Variants in PPP2R5E observed in about 807,000 individuals in gnomAD.
PPP2R5E encodes protein phosphatase 2 regulatory subunit B'epsilon.
Under a neutral mutation model 65.3 loss-of-function variants are expected in PPP2R5E, and 4 were observed. That is an observed-to-expected ratio of 0.06 (90% CI 0.03 to 0.14). The LOEUF is 0.14. PPP2R5E is among the 10% of genes least tolerant of loss of function. The pLI, the probability that PPP2R5E is intolerant of heterozygous loss-of-function variation, is 1.00. For synonymous variants in PPP2R5E, 183 were observed against 187.4 expected (o/e 0.98, Z 0.19); for missense variants, 274 against 556.1 (o/e 0.49, Z 5.10).
At chr14:63,496,994 C>T (rs1441691632) in intron 2 of PPP2R5E, among the ~76,000 whole-genome samples, 1 of 152,056 alleles carries the variant, frequency 6.6e-6, no homozygotes, top group African/African-American at 2.4e-5. Context: ...TAGCTATGGC[C>T]TTTAAACCAC....
chr14:63,408,478 G>A (rs944855500), intron 5 of PPP2R5E, among the ~76,000 whole-genome samples: 20 of 152,136 alleles, frequency 1.3e-4, no homozygotes, highest in African/African-American at 2.9e-4. Flanking sequence ...CACCTAAGGC[G>A]CTATTATGTT....
At chr14:63,392,096 A>C in intron 8 of PPP2R5E, 71 bp from the exon 9 acceptor site, 1 of 1,181,926 alleles carries the variant, frequency 8.5e-7, no homozygotes, top group Non-Finnish European at 1.2e-6. Flanking sequence ...ATACACTATT[A>C]AAACTTCCTA....
chr14:63,507,539 ACAAG>A lies in PPP2R5E; in HGVS notation c.157+31986_157+31989del, dbSNP rs1246376811. On this transcript the variant is annotated intron_variant, in intron 2 of 13. Transcript: ENST00000337537. ...TGAATTTTTAAAGTAAAAAAAAAAA[ACAAG>A]ACTTAAAAATAACTGCAGCAAGGGT... Among the ~76,000 whole-genome samples the A allele has an allele frequency of 2.0e-5, 3 of 150,184 alleles. No individual in the cohort carries two copies. The East Asian group carries it at 5.8e-4, about 29-fold the overall frequency.
intron 11 of PPP2R5E, 136 bp downstream of exon 11, chr14:63,389,476 C>T: frequency 3.8e-6 from 4 of 1,041,312 alleles, no homozygotes; most frequent in Non-Finnish European, 5.3e-6. Context: ...AAGCTGGCCA[C>T]TATTAAAATT....
Position 63,374,325 on chromosome 14 carries a change from T to C in PPP2R5E, c.*1684A>G, listed in dbSNP as rs1883858410. The C allele has an allele frequency of 1.3e-5, 2 of 151,922 alleles. No homozygotes were observed. The highest frequency in any genetic ancestry group is 2.9e-5 in the Non-Finnish European group (2 of 67,956). The allele number at this position is 151,922 out of a possible 1,614,324, so 9.4% of individuals were successfully genotyped here. On this transcript the variant is annotated 3_prime_UTR_variant, in exon 14 of 14. Transcript: ENST00000337537. The stretch of plus-strand genomic sequence containing the variant: ...GAAAATATACAAGCCCATATTTATA[T>C]TGTATTTCTATTAAGAGCAACAATA...
At chr14:63,490,252 A>G (rs1468442676) in intron 2 of PPP2R5E, among the ~76,000 whole-genome samples, 1 of 152,086 alleles carries the variant, frequency 6.6e-6, no homozygotes, top group East Asian at 1.9e-4. Context: ...CTCGACCCCT[A>G]CACCTTTCAC....
At position 63,539,100 on chromosome 14, in the gene PPP2R5E, C is replaced by T. The variant is rs1164578424; in HGVS notation, c.157+429G>A. On this transcript the variant is annotated intron_variant, in intron 2 of 13. Coordinates refer to ENST00000337537, the MANE Select transcript of PPP2R5E (RefSeq NM_006246.5). ...CCATTTTTTTCTTGATTTTTAAAAA[C>T]GAATTCTTCCAAATACCATTTTCTA... is the stretch of plus-strand genomic sequence containing the variant. Among the ~76,000 whole-genome samples the T allele has an allele frequency of 3.3e-5, 5 of 152,018 alleles. No homozygotes were observed. In the South Asian group the frequency reaches 8.3e-4, roughly 25 times the overall value.
chr14:63,373,462 C>A lies in PPP2R5E; in HGVS notation c.*2547G>T, dbSNP rs963790764. The stretch of plus-strand genomic sequence containing the variant: ...AGATTACCTCAGTTACTCTGCGTCA[C>A]CGCACACAACATGACTAATGTCACA... On this transcript the variant is annotated 3_prime_UTR_variant, in exon 14 of 14. Coordinates refer to ENST00000337537, the MANE Select transcript of PPP2R5E (RefSeq NM_006246.5). The A allele has an allele frequency of 1.4e-4, 21 of 152,116 alleles. No homozygotes were observed. The highest frequency in any genetic ancestry group is 5.1e-4 in the African/African-American group (21 of 41,430). 9.4% of individuals were successfully genotyped at this position (152,116 alleles called of 1,614,324 possible).
intron 10 of PPP2R5E, 33 bp from the exon 11 acceptor site, chr14:63,389,764 C>A (rs1311091721): frequency 2.0e-6 from 3 of 1,522,734 alleles, no homozygotes; most frequent in South Asian, 1.3e-5. Context: ...AGATGTGAGG[C>A]ACATCATGAA....
intron 2 of PPP2R5E, among the ~76,000 whole-genome samples, chr14:63,526,933 G>A (rs1362226946): frequency 6.6e-6 from 1 of 152,206 alleles, no homozygotes. Context: ...ACTCTGGGAG[G>A]CCAAGGCGGG....
At chr14:63,447,448 C>A (rs1207894463) in intron 3 of PPP2R5E, among the ~76,000 whole-genome samples, 2 of 152,348 alleles carry the variant, frequency 1.3e-5, no homozygotes, top group East Asian at 1.9e-4. Context: ...TCCAACTTTT[C>A]TTCTGCAGCT....
chr14:63,522,385 G>T (rs1892957070), intron 2 of PPP2R5E, among the ~76,000 whole-genome samples: 1 of 151,518 alleles, frequency 6.6e-6, no homozygotes, highest in Non-Finnish European at 1.5e-5. Context: ...GAAGTGAGGA[G>T]CGTCTCTGCC....
intron 3 of PPP2R5E, among the ~76,000 whole-genome samples, chr14:63,440,376 G>A (rs1168451034): frequency 6.6e-6 from 1 of 151,198 alleles, no homozygotes; most frequent in African/African-American, 2.4e-5. Flanking sequence ...GGCAGCAGAA[G>A]TGGTAGGAGA....
chr14:63,428,876 A>C (rs943595028), intron 3 of PPP2R5E, among the ~76,000 whole-genome samples: 1 of 152,220 alleles, frequency 6.6e-6, no homozygotes, highest in Non-Finnish European at 1.5e-5. Context: ...ATCCATTTCC[A>C]TAGAAATTAC....
At chr14:63,431,138 C>T (rs1010262639) in intron 3 of PPP2R5E, among the ~76,000 whole-genome samples, 1 of 152,072 alleles carries the variant, frequency 6.6e-6, no homozygotes, top group African/African-American at 2.4e-5. Context: ...CATAGGGGCG[C>T]ATGCCTGTAG....
At chr14:63,398,913 T>C (rs567705988) in intron 5 of PPP2R5E, among the ~76,000 whole-genome samples, 1 of 152,306 alleles carries the variant, frequency 6.6e-6, no homozygotes, top group South Asian at 2.1e-4. Flanking sequence ...CCTCATACAT[T>C]GTTGGTAAGA....
At chr14:63,378,168 T>C (rs1212556369) in intron 13 of PPP2R5E, among the ~76,000 whole-genome samples, 2 of 152,244 alleles carry the variant, frequency 1.3e-5, no homozygotes, top group Non-Finnish European at 2.9e-5. Flanking sequence ...ATCAATTGTA[T>C]AGATCCTGCT....
intron 5 of PPP2R5E, among the ~76,000 whole-genome samples, chr14:63,400,699 C>CA (rs150068587): frequency 2.7e-5 from 2 of 73,730 alleles, no homozygotes; most frequent in Non-Finnish European, 5.2e-5. Flanking sequence ...CCCAACCAGC[C>CA]AAAAAAAAAA....
chr14:63,523,222 T>C (rs970977722), intron 2 of PPP2R5E, among the ~76,000 whole-genome samples: 1 of 151,766 alleles, frequency 6.6e-6, no homozygotes, highest in East Asian at 1.9e-4. Flanking sequence ...CGGCAGCTCA[T>C]TGAGAACGGG....
Sources: allele counts gnomAD v4.1 joint callset (sites outside exome capture counted in the v4.1 genomes callset), GRCh38; gene constraint gnomAD v4.1.1; transcripts MANE v1.5; gene names NCBI Gene and HGNC (gene_info 2026-07-23, HGNC 2026-07-21).